The following RALGAPA1 variants were observed in gnomAD, a reference collection of about 807,000 sequenced individuals.
RALGAPA1 encodes the protein Ral GTPase activating protein catalytic subunit alpha 1.
Under a neutral mutation model 269.6 loss-of-function variants are expected in RALGAPA1, and 52 were observed. The ratio of observed to expected loss-of-function variants is 0.19; its 90% CI spans 0.15 to 0.24. The LOEUF is 0.24. Ranked by LOEUF, RALGAPA1 falls within the 10% of genes least tolerant of loss-of-function variation. The probability of loss-of-function intolerance (pLI) is 1.00; values close to 1 mark genes in which losing one functional copy is unlikely to be tolerated. For missense variants in RALGAPA1, 1,917 were observed against 3,013.9 expected (o/e 0.64, Z 8.52); for synonymous variants, 817 against 1,008.3 (o/e 0.81, Z 3.60).
chr14:35,606,052 G>A (rs2059578638), intron 35 of RALGAPA1, among the ~76,000 whole-genome samples: 1 of 152,216 alleles, frequency 6.6e-6, no homozygotes, highest in South Asian at 2.1e-4. Flanking sequence ...AGAGTTGTCT[G>A]TTTTGCAATG....
intron 16 of RALGAPA1, among the ~76,000 whole-genome samples, chr14:35,713,319 A>G (rs1187199363): frequency 6.6e-6 from 1 of 152,168 alleles, no homozygotes; most frequent in Non-Finnish European, 1.5e-5. Context: ...GAGTTTGGGG[A>G]TATAGGAGAG....
chr14:35,645,882 T>C (rs967734792), intron 31 of RALGAPA1, among the ~76,000 whole-genome samples: 7 of 151,752 alleles, frequency 4.6e-5, no homozygotes, highest in Non-Finnish European at 1.0e-4. Context: ...ACAAAGTGAG[T>C]CTGGAAAATT....
intron 31 of RALGAPA1, among the ~76,000 whole-genome samples, chr14:35,636,401 C>A (rs1048227538): frequency 6.6e-6 from 1 of 152,164 alleles, no homozygotes; most frequent in African/African-American, 2.4e-5. Flanking sequence ...CTACATCTCC[C>A]AACATATCTT....
intron 37 of RALGAPA1, among the ~76,000 whole-genome samples, chr14:35,591,305 T>TATGC (rs1476305844): frequency 6.6e-6 from 1 of 151,094 alleles, no homozygotes; most frequent in Admixed American, 6.6e-5. Context: ...TGTATGTATG[T>TATGC]ATGTATGTAT....
At chr14:35,539,763 T>C (rs1168892793) in intron 41 of RALGAPA1, 73 bp from the exon 42 acceptor site, 1 of 1,568,084 alleles carries the variant, frequency 6.4e-7, no homozygotes, top group Non-Finnish European at 8.6e-7. Flanking sequence ...TTTCTGCTAC[T>C]AATCTGCAGC....
At chr14:35,807,678 C>A (rs970021571) in intron 1 of RALGAPA1, 2 of 152,148 alleles carry the variant, frequency 1.3e-5, no homozygotes, top group African/African-American at 4.8e-5. Context: ...AACAGTAAAG[C>A]ATCATAGAAA....
At chr14:35,667,127 C>T (rs1436255662) in intron 26 of RALGAPA1, among the ~76,000 whole-genome samples, 2 of 152,134 alleles carry the variant, frequency 1.3e-5, no homozygotes, top group Non-Finnish European at 2.9e-5. Flanking sequence ...TGTGGCCAGG[C>T]GCGGTGGCTC....
chr14:35,738,519 A>G lies in RALGAPA1; in HGVS notation c.1581T>C (p.Val527=). 1 of 1,593,296 alleles carries G rather than the reference A, an allele frequency of 6.3e-7. No individual in the cohort carries two copies. The highest frequency in any genetic ancestry group is 1.3e-5 in the African/African-American group (1 of 74,098). ...TAGCCATAAAGTGATCCACCTGCAA[A>G]ACTGCCTGGGTACCAGCTCGTATGT... ...EQNIRAGTQA[V]LQVFIINSSN... Residue 527 remains valine (V), a synonymous_variant, in exon 12 of 42, where the codon GTT becomes GTC. Coordinates refer to ENST00000680220, the MANE Select transcript of RALGAPA1 (RefSeq NM_001346249.2).
chr14:35,627,503 C>T lies in RALGAPA1; in HGVS notation c.6444G>A (p.Pro2148=), dbSNP rs766743795. 46 of 1,609,398 alleles carry T rather than the reference C, an allele frequency of 2.9e-5. No individual in the cohort carries two copies. The highest frequency in any genetic ancestry group is 5.4e-5 in the African/African-American group (4 of 74,508). The change falls in exon 34 of 42, where the codon CCG becomes CCA. Residue 2148 remains proline, a synonymous_variant. Coordinates refer to ENST00000680220, the MANE Select transcript of RALGAPA1 (RefSeq NM_001346249.2). ...TATCTTCTAAGCATTCATTAGATGT[C>T]GGAGGCTCTTCTGGCTTCTCTTGGT... ...LSHQEKPEEP[P]TSNECLEDIT... is the part of the protein sequence containing the mutation.
chr14:35,753,109 A>G (rs573398668), intron 7 of RALGAPA1, among the ~76,000 whole-genome samples: 1 of 152,312 alleles, frequency 6.6e-6, no homozygotes, highest in Admixed American at 6.5e-5. Flanking sequence ...AGAGTGGACA[A>G]GGAAGGTACG....
At chr14:35,729,562 A>G (rs1052089840) in intron 12 of RALGAPA1, among the ~76,000 whole-genome samples, 1 of 152,188 alleles carries the variant, frequency 6.6e-6, no homozygotes, top group Admixed American at 6.5e-5. Context: ...CTGAAAAGGA[A>G]AAGACAAATG....
intron 1 of RALGAPA1, among the ~76,000 whole-genome samples, chr14:35,785,368 A>G (rs140663708): frequency 4.9e-3 from 740 of 152,368 alleles, no homozygotes; most frequent in African/African-American, 0.016. Context: ...TGATCTTCAC[A>G]GATAGCTTGA....
chr14:35,619,211 T>C (rs1365962714), intron 35 of RALGAPA1, among the ~76,000 whole-genome samples: 1 of 151,882 alleles, frequency 6.6e-6, no homozygotes, highest in Non-Finnish European at 1.5e-5. Flanking sequence ...AGGAGCAAGA[T>C]TACATGAAAA....
At chr14:35,591,288 C>CTATG (rs371005322) in intron 37 of RALGAPA1, among the ~76,000 whole-genome samples, 35,761 of 149,956 alleles carry the variant, frequency 0.24, 4,749 homozygotes, top group East Asian at 0.38. Flanking sequence ...ATTTTAAGTG[C>CTATG]TATGTATGTA....
At chr14:35,584,671 T>A (rs573609390) in intron 37 of RALGAPA1, among the ~76,000 whole-genome samples, 22 of 152,136 alleles carry the variant, frequency 1.4e-4, no homozygotes, top group Non-Finnish European at 2.8e-4. Flanking sequence ...AAAAGAAGCA[T>A]AATTGATATG....
At chr14:35,711,984 C>T (rs1373781510) in intron 16 of RALGAPA1, among the ~76,000 whole-genome samples, 3 of 152,054 alleles carry the variant, frequency 2.0e-5, no homozygotes, top group South Asian at 2.1e-4. Flanking sequence ...CGGTGGCTCA[C>T]GCCTATAATC....
chr14:35,679,712 A>G (rs1414351949), intron 21 of RALGAPA1, among the ~76,000 whole-genome samples: 1 of 152,212 alleles, frequency 6.6e-6, no homozygotes, highest in Non-Finnish European at 1.5e-5. Flanking sequence ...CATTTATATT[A>G]TTTTAATTCT....
At chr14:35,779,593 G>A (rs910969742) in intron 1 of RALGAPA1, among the ~76,000 whole-genome samples, 1 of 150,662 alleles carries the variant, frequency 6.6e-6, no homozygotes, top group Non-Finnish European at 1.5e-5. Flanking sequence ...AAAGAAATAG[G>A]CTGCTACAAT....
intron 36 of RALGAPA1, among the ~76,000 whole-genome samples, chr14:35,596,021 A>C (rs1288661674): frequency 6.6e-6 from 1 of 152,112 alleles, no homozygotes; most frequent in Non-Finnish European, 1.5e-5. Context: ...ACTGCTGTGT[A>C]CTATGCATCT....
Sources: gnomAD v4.1 joint callset for allele counts (sites outside exome capture counted in the v4.1 genomes callset) on GRCh38, gnomAD v4.1.1 for gene constraint, MANE v1.5 for transcripts, NCBI Gene and HGNC (gene_info 2026-07-23, HGNC 2026-07-21) for gene names.